Variants in C11orf65 observed in about 807,000 individuals in gnomAD.
C11orf65 encodes the protein chromosome 11 open reading frame 65, also known as protein MFI.
A neutral mutation model predicts 35.3 loss-of-function variants in C11orf65; 38 were observed. The ratio of observed to expected loss-of-function variants is 1.08; its 90% confidence interval spans 0.83 to 1.41. The LOEUF (loss-of-function observed/expected upper bound fraction) is 1.41. C11orf65 is among the 40% of genes most tolerant of loss of function. The probability of loss-of-function intolerance (pLI) is 0.00; values close to 1 mark genes in which losing one functional copy is unlikely to be tolerated. For missense variants in C11orf65, 370 were observed against 367.1 expected (o/e 1.01, Z -0.06); for synonymous variants, 105 against 114.4 (o/e 0.92, Z 0.53).
intron 6 of C11orf65, among the ~76,000 whole-genome samples, chr11:108,395,215 G>A (rs2092278168): frequency 6.6e-6 from 1 of 152,052 alleles, no homozygotes; most frequent in Non-Finnish European, 1.5e-5. Flanking sequence ...GGATGGGCAT[G>A]GATGGTGGCT....
At chr11:108,345,938 G>A (rs2137041934) in intron 2 of C11orf65, 1 of 1,611,754 alleles carries the variant, frequency 6.2e-7, no homozygotes, top group Non-Finnish European at 8.5e-7. Context: ...AGTAGATTGA[G>A]CACTTTGTTG....
At chr11:108,466,915 C>A (rs1169887825) in intron 1 of C11orf65, among the ~76,000 whole-genome samples, 1 of 152,112 alleles carries the variant, frequency 6.6e-6, no homozygotes, top group Non-Finnish European at 1.5e-5. Context: ...ATTCGCGTGG[C>A]CTTTATAAGT....
At position 108,347,353 on chromosome 11, in the gene C11orf65, C is replaced by T. The variant is rs1591274530; in HGVS notation, c.227-12061G>A. On this transcript the variant is annotated intron_variant, in intron 2 of 3. Coordinates refer to the C11orf65 transcript ENST00000524755. Reference sequence around the variant, plus strand: ...AAATGAGCAGTCAGCAGAACTTGTACATATAGATCTAGGTAAGTAATAAAA... The same window carrying T: ...AAATGAGCAGTCAGCAGAACTTGTATATATAGATCTAGGTAAGTAATAAAA... The T allele has an allele frequency of 1.3e-6, 2 of 1,599,912 alleles. No individual in the cohort carries two copies. Among genetic ancestry groups the T allele is most frequent in the South Asian group, 1.1e-5 (1 of 90,762 alleles).
chr11:108,346,776 TAAATAC>T (rs1395661401), intron 2 of C11orf65, among the ~76,000 whole-genome samples: 1 of 152,136 alleles, frequency 6.6e-6, no homozygotes, highest in Non-Finnish European at 1.5e-5. Flanking sequence ...TCATCTGTCT[TAAATAC>T]AGAAATGCAG....
intron 2 of C11orf65, among the ~76,000 whole-genome samples, chr11:108,372,911 C>A (rs1463981128): frequency 6.6e-6 from 1 of 151,616 alleles, no homozygotes; most frequent in Non-Finnish European, 1.5e-5. Context: ...CCATCTCTAC[C>A]AAAGATTTAA....
chr11:108,463,661 A>G (rs895815347), intron 1 of C11orf65, among the ~76,000 whole-genome samples: 1 of 152,190 alleles, frequency 6.6e-6, no homozygotes, highest in Non-Finnish European at 1.5e-5. Context: ...ATGGGGACTC[A>G]TTGTACCTAA....
At chr11:108,431,532 G>C (rs1250056769) in intron 3 of C11orf65, among the ~76,000 whole-genome samples, 1 of 152,176 alleles carries the variant, frequency 6.6e-6, no homozygotes, top group Non-Finnish European at 1.5e-5. Flanking sequence ...GTGATTTGGA[G>C]TATGAAAACA....
chr11:108,347,971 G>A (rs1392754200), intron 2 of C11orf65, among the ~76,000 whole-genome samples: 1 of 152,192 alleles, frequency 6.6e-6, no homozygotes, highest in Non-Finnish European at 1.5e-5. Flanking sequence ...TTATACTAAA[G>A]TTGTAGAAAC....
intron 2 of C11orf65, among the ~76,000 whole-genome samples, chr11:108,353,366 C>G (rs1358996607): frequency 1.3e-5 from 2 of 152,074 alleles, no homozygotes; most frequent in Non-Finnish European, 2.9e-5. Flanking sequence ...CCAGGCTGGT[C>G]TCTTAACTCC....
At chr11:108,441,400 G>A (rs143499938) in intron 2 of C11orf65, among the ~76,000 whole-genome samples, 1,745 of 152,336 alleles carry the variant, frequency 0.011, 37 homozygotes, top group African/African-American at 0.04. Flanking sequence ...TGGGGGCAGG[G>A]CATAGCTGAA....
At chr11:108,377,551 T>C (rs1212402925) in intron 2 of C11orf65, among the ~76,000 whole-genome samples, 2 of 151,732 alleles carry the variant, frequency 1.3e-5, no homozygotes, top group South Asian at 2.1e-4. Context: ...ACTGGAAGCA[T>C]TCCCTTTGAA....
intron 8 of C11orf65, among the ~76,000 whole-genome samples, chr11:108,384,313 G>A (rs185730676): frequency 6.6e-6 from 1 of 152,250 alleles, no homozygotes. Context: ...TAGGTGGATT[G>A]GTTAATGCTA....
At chr11:108,438,483 G>A (rs2093100254) in intron 2 of C11orf65, among the ~76,000 whole-genome samples, 2 of 151,644 alleles carry the variant, frequency 1.3e-5, no homozygotes, top group South Asian at 4.2e-4. Flanking sequence ...CCTGGGAGGC[G>A]GAGTTGGCAC....
At chr11:108,417,999 G>T (rs777970045) in intron 3 of C11orf65, among the ~76,000 whole-genome samples, 59 of 150,962 alleles carry the variant, frequency 3.9e-4, no homozygotes, top group Admixed American at 1.3e-3. Flanking sequence ...TGGTGTGGTT[G>T]TATTAATACC....
intron 2 of C11orf65, among the ~76,000 whole-genome samples, chr11:108,441,240 G>C (rs1046226775): frequency 5.3e-5 from 8 of 152,220 alleles, no homozygotes; most frequent in Non-Finnish European, 7.3e-5. Flanking sequence ...AGCAGTCTGA[G>C]ATTGAACTGC....
At chr11:108,319,170 C>G (rs2085005894) in intron 6 of C11orf65, among the ~76,000 whole-genome samples, 1 of 152,146 alleles carries the variant, frequency 6.6e-6, no homozygotes, top group Non-Finnish European at 1.5e-5. Context: ...GAGTGAGACT[C>G]TGTCTCAAAA....
At chr11:108,326,550 AAG>A (rs1234288777), downstream of C11orf65, among the ~76,000 whole-genome samples, 1 of 152,242 alleles carries the variant, frequency 6.6e-6, no homozygotes, top group African/African-American at 2.4e-5. Flanking sequence ...CAAGTGAAAA[AAG>A]GGAAGAGGAA....
At chr11:108,326,983 G>T (rs2136355891), downstream of C11orf65, among the ~76,000 whole-genome samples, 1 of 152,208 alleles carries the variant, frequency 6.6e-6, no homozygotes, top group Non-Finnish European at 1.5e-5. Context: ...ATGCCACCAT[G>T]CCCAGCTAAT....
chr11:108,467,585 C>T (rs1169605795), upstream of C11orf65: 1 of 152,184 alleles, frequency 6.6e-6, no homozygotes, highest in African/African-American at 2.4e-5. Flanking sequence ...CCTTCTAGGC[C>T]CCGCCTTTCC....
Sources: gnomAD v4.1 joint callset for allele counts (sites outside exome capture counted in the v4.1 genomes callset) on GRCh38, gnomAD v4.1.1 for gene constraint, MANE v1.5 for transcripts, NCBI Gene and HGNC (gene_info 2026-07-23, HGNC 2026-07-21) for gene names.